PCDH15: variants seen among roughly 807,000 people sequenced by gnomAD.
PCDH15 encodes the protein protocadherin-15.
In PCDH15, 129 loss-of-function variants were observed where a neutral mutation model predicts 178.5. The observed-to-expected ratio is 0.72, with a 90% CI of 0.63 to 0.84. The LOEUF is 0.84. PCDH15 is among the 40% of genes least tolerant of loss of function. PCDH15 has a pLI of 0.00. For missense variants in PCDH15, 2,230 were observed against 2,099.9 expected (o/e 1.06, Z -1.21); for synonymous variants, 800 against 732.0 (o/e 1.09, Z -1.50).
chr10:54,739,792 C>T (rs1944560029), intron 1 of PCDH15, among the ~76,000 whole-genome samples: 2 of 151,944 alleles, frequency 1.3e-5, no homozygotes, highest in Admixed American at 6.6e-5. Flanking sequence ...TAAACAAATA[C>T]TTTTCAATGA....
chr10:54,162,633 C>T (rs1171643331), intron 13 of PCDH15, among the ~76,000 whole-genome samples: 2 of 152,128 alleles, frequency 1.3e-5, no homozygotes, highest in African/African-American at 4.8e-5. Context: ...TGGAGAATTG[C>T]ACAGATTTGG....
chr10:54,233,007 C>T (rs1442933974), intron 9 of PCDH15, among the ~76,000 whole-genome samples: 3 of 148,594 alleles, frequency 2.0e-5, no homozygotes, highest in East Asian at 4.0e-4. Flanking sequence ...GTGATCGTAG[C>T]TCACTGCAGC....
At chr10:55,170,274 C>G (rs1244260739) in intron 1 of PCDH15, among the ~76,000 whole-genome samples, 2 of 151,882 alleles carry the variant, frequency 1.3e-5, no homozygotes, top group South Asian at 2.1e-4. Flanking sequence ...CTCAGCCCCC[C>G]AGGTAGCTGA....
intron 1 of PCDH15, among the ~76,000 whole-genome samples, chr10:54,721,907 C>T (rs535772668): frequency 1.3e-5 from 2 of 151,706 alleles, no homozygotes; most frequent in African/African-American, 4.8e-5. Context: ...TCGAGCGAGG[C>T]GACAATGTAA....
chr10:54,293,109 A>G lies in PCDH15; in HGVS notation c.876+24162T>C, dbSNP rs565717396. Among the ~76,000 whole-genome samples the G allele has an allele frequency of 3.3e-5, 5 of 152,246 alleles. No homozygotes were observed. The South Asian group carries it at 1.0e-3, about 32-fold the overall frequency. Reference sequence around the variant, plus strand: ...AACCAAAACTGCATGGTACTGGTACAAAAACAGATATATAGACCAATGGAA... The same window carrying G: ...AACCAAAACTGCATGGTACTGGTACGAAAACAGATATATAGACCAATGGAA... On this transcript the variant is annotated intron_variant, in intron 8 of 37. Coordinates refer to ENST00000644397, the MANE Select transcript of PCDH15 (RefSeq NM_001384140.1).
chr10:54,301,570 C>G (rs904326601), intron 8 of PCDH15, among the ~76,000 whole-genome samples: 1 of 152,126 alleles, frequency 6.6e-6, no homozygotes, highest in Admixed American at 6.5e-5. Context: ...CACAGAATAT[C>G]TTAAAAGGAA....
At chr10:54,100,490 T>C (rs1006507458) in intron 15 of PCDH15, among the ~76,000 whole-genome samples, 7 of 152,268 alleles carry the variant, frequency 4.6e-5, no homozygotes, top group African/African-American at 1.7e-4. Flanking sequence ...TTGAGCAAGA[T>C]TTAAGGTATT....
chr10:53,929,962 A>T (rs112376270), intron 25 of PCDH15, among the ~76,000 whole-genome samples: 1 of 152,256 alleles, frequency 6.6e-6, no homozygotes, highest in East Asian at 1.9e-4. Context: ...TTTGCTCTAC[A>T]TAAAAGAATG....
chr10:55,217,169 G>A lies in PCDH15; in HGVS notation c.-155-50518C>T, dbSNP rs2132178350. Among the ~76,000 whole-genome samples, 3 of 151,974 alleles carry A rather than the reference G, an allele frequency of 2.0e-5. No homozygotes were observed. In the Middle Eastern group the frequency reaches 0.01, roughly 517 times the overall value. ...AAACCCCTGTGATATATATGACACT[G>A]TAAATTGCTGTTAAAGCAATGTTTT... On this transcript the variant is annotated intron_variant, in intron 1 of 5. Transcript: ENST00000458638.
At chr10:53,807,620 ATAATT>A (rs1841281680) in intron 37 of PCDH15, among the ~76,000 whole-genome samples, 1 of 152,120 alleles carries the variant, frequency 6.6e-6, no homozygotes, top group African/African-American at 2.4e-5. Context: ...AAACTTTTGT[ATAATT>A]TAATGCATTT....
rs533671290 is a variant in PCDH15 at position 54,735,679 on chromosome 10, T to C, written c.-29+65246A>G. 6.6e-5 allele frequency among the ~76,000 whole-genome samples: 8 copies of C among 120,656 alleles called. No homozygotes were observed. In the South Asian group the frequency reaches 1.1e-3, roughly 17 times the overall value. The allele number at this position is 120,656 out of a possible 152,430, so 79.2% of individuals were successfully genotyped here. A position where few individuals can be genotyped will look rare whatever the true frequency, so the allele number is the denominator to read the frequency against. ...GGCACATATACACCATGGAATACTA[T>C]GCAGCCATAAAAAATGATGAGTTCA... is the stretch of plus-strand genomic sequence containing the variant. On this transcript the variant is annotated intron_variant, in intron 1 of 37. Transcript: ENST00000644397.
At chr10:55,178,696 A>C (rs1441521917) in intron 1 of PCDH15, among the ~76,000 whole-genome samples, 1 of 152,160 alleles carries the variant, frequency 6.6e-6, no homozygotes, top group African/African-American at 2.4e-5. Flanking sequence ...ACCAATGTAA[A>C]GAAATTGGAA....
chr10:54,428,460 A>G (rs1170280831), intron 3 of PCDH15, among the ~76,000 whole-genome samples: 1 of 152,216 alleles, frequency 6.6e-6, no homozygotes, highest in Non-Finnish European at 1.5e-5. Flanking sequence ...TTTATCTGAA[A>G]TTTAAATTCA....
At chr10:54,365,992 C>A (rs1011923181) in intron 5 of PCDH15, among the ~76,000 whole-genome samples, 30 of 151,960 alleles carry the variant, frequency 2.0e-4, no homozygotes, top group African/African-American at 7.0e-4. Context: ...AAATGTAAAT[C>A]ATATTTATTT....
intron 1 of PCDH15, among the ~76,000 whole-genome samples, chr10:54,772,682 T>A (rs1949233751): frequency 6.6e-6 from 1 of 152,162 alleles, no homozygotes; most frequent in Non-Finnish European, 1.5e-5. Flanking sequence ...GTAAATTATT[T>A]CAACCATTGT....
At chr10:54,870,508 G>A (rs965328127) in intron 3 of PCDH15, among the ~76,000 whole-genome samples, 1 of 152,122 alleles carries the variant, frequency 6.6e-6, no homozygotes, top group African/African-American at 2.4e-5. Context: ...TAAAAAGACC[G>A]GGCGCGGTGG....
At chr10:54,022,117 ACTT>A (rs1402648104) in intron 19 of PCDH15, among the ~76,000 whole-genome samples, 1 of 148,242 alleles carries the variant, frequency 6.7e-6, no homozygotes, top group African/African-American at 2.5e-5. Flanking sequence ...AAAAATGGCT[ACTT>A]TTTTTTTTTT....
At chr10:55,418,058 T>G (rs2132042038) in intron 2 of PCDH15, among the ~76,000 whole-genome samples, 1 of 151,800 alleles carries the variant, frequency 6.6e-6, no homozygotes, top group African/African-American at 2.4e-5. Context: ...AGGAAAATTC[T>G]ACCTTTGAAG....
chr10:55,546,368 T>A (rs1326816246), intron 2 of PCDH15, among the ~76,000 whole-genome samples: 1 of 152,190 alleles, frequency 6.6e-6, no homozygotes, highest in East Asian at 1.9e-4. Context: ...GTTTGATGAA[T>A]AATTACAAAT....
Sources: gnomAD v4.1 joint callset for allele counts (sites outside exome capture counted in the v4.1 genomes callset) on GRCh38, gnomAD v4.1.1 for gene constraint, MANE v1.5 for transcripts, NCBI Gene and HGNC (gene_info 2026-07-23, HGNC 2026-07-21) for gene names.